MAP2K4: variants seen among roughly 807,000 people sequenced by gnomAD.
MAP2K4 encodes dual specificity mitogen-activated protein kinase kinase 4.
MAP2K4 carries 4 observed loss-of-function variants against 48.5 expected under a neutral mutation model. The ratio of observed to expected loss-of-function variants is 0.08; its 90% CI spans 0.04 to 0.19. The LOEUF is 0.19. Among genes scored for constraint, MAP2K4 ranks in the 10% least tolerant of loss-of-function variants. The pLI is 1.00. For synonymous variants in MAP2K4, 166 were observed against 173.1 expected (o/e 0.96, Z 0.32); for missense variants, 258 against 493.3 (o/e 0.52, Z 4.52).
In MAP2K4 at chr17:12,068,458, A is replaced by G. The variant is rs192216601; in HGVS notation, c.219-12898A>G. On this transcript the variant is annotated intron_variant, in intron 2 of 10. Transcript: ENST00000353533. ...GTAATAGTCACCTATCATGACTTCAATAGTATTAAATTGATGACAGTACAT... is the reference window on the plus strand; with the variant it reads ...GTAATAGTCACCTATCATGACTTCAGTAGTATTAAATTGATGACAGTACAT... Among the ~76,000 whole-genome samples, 307 of 152,306 alleles carry G rather than the reference A, an allele frequency of 2.0e-3. 2 individuals carry two copies. Among genetic ancestry groups the G allele is most frequent in the African/African-American group, 6.8e-3 (281 of 41,548 alleles).
chr17:12,106,604 A>G (rs1972121143), intron 4 of MAP2K4, among the ~76,000 whole-genome samples: 1 of 152,128 alleles, frequency 6.6e-6, no homozygotes, highest in African/African-American at 2.4e-5. Flanking sequence ...TATAATTATT[A>G]TATAATCGAA....
chr17:12,030,313 G>A (rs754599876), intron 1 of MAP2K4, among the ~76,000 whole-genome samples: 2 of 152,290 alleles, frequency 1.3e-5, no homozygotes, highest in South Asian at 4.1e-4. Context: ...GTGGACTCTG[G>A]GCGAGTTACC....
At chr17:12,026,466 G>A (rs897700806) in intron 1 of MAP2K4, among the ~76,000 whole-genome samples, 10 of 152,174 alleles carry the variant, frequency 6.6e-5, no homozygotes, top group African/African-American at 2.2e-4. Context: ...AAAAAAGAAA[G>A]GGAAAGTAAC....
intron 2 of MAP2K4, among the ~76,000 whole-genome samples, chr17:12,080,176 T>G (rs1971144610): frequency 6.6e-6 from 1 of 152,164 alleles, no homozygotes; most frequent in African/African-American, 2.4e-5. Context: ...ACCTTAAAGG[T>G]TGCTACAGAA....
chr17:12,083,558 G>A (rs1971261383), intron 3 of MAP2K4, among the ~76,000 whole-genome samples: 1 of 152,178 alleles, frequency 6.6e-6, no homozygotes, highest in Admixed American at 6.5e-5. Flanking sequence ...GGGAGAGGAT[G>A]GCAGTACAAC....
chr17:12,082,776 A>G (rs1002874622), intron 3 of MAP2K4, among the ~76,000 whole-genome samples: 2 of 152,226 alleles, frequency 1.3e-5, no homozygotes, highest in Non-Finnish European at 1.5e-5. Flanking sequence ...TAGACTTTTC[A>G]TAGGCAGGTG....
chr17:12,116,191 A>G (rs189949942), intron 7 of MAP2K4, among the ~76,000 whole-genome samples: 42 of 152,290 alleles, frequency 2.8e-4, no homozygotes, highest in Non-Finnish European at 5.9e-5. Flanking sequence ...CAAATACACT[A>G]ATTTTCCATA....
chr17:12,124,974 G>A (rs1032037382), intron 7 of MAP2K4: 9 of 298,222 alleles, frequency 3.0e-5, no homozygotes, highest in African/African-American at 4.3e-5. Flanking sequence ...TGCACCTGGC[G>A]ACCTTGTAAT....
intron 1 of MAP2K4, among the ~76,000 whole-genome samples, chr17:12,053,628 A>C (rs935597963): frequency 6.6e-6 from 1 of 151,556 alleles, no homozygotes; most frequent in South Asian, 2.1e-4. Flanking sequence ...CTTCCTCTAC[A>C]TTATGTGGAA....
chr17:12,054,106 T>TGA (rs1970219079), intron 1 of MAP2K4, among the ~76,000 whole-genome samples: 2 of 152,292 alleles, frequency 1.3e-5, no homozygotes, highest in East Asian at 3.9e-4. Flanking sequence ...CAAAGCATTT[T>TGA]CATGGTCTGA....
rs28442277 is a variant in MAP2K4 at position 12,070,622 on chromosome 17, G to A, written c.219-10734G>A. ...TATTTGCATGATAGATGCAATTTAG[G>A]TTGCTAGATACCATTTGGTATCATT... On this transcript the variant is annotated intron_variant, in intron 2 of 10. Coordinates refer to ENST00000353533, the MANE Select transcript of MAP2K4 (RefSeq NM_003010.4). Among the ~76,000 whole-genome samples, 283 of 152,260 alleles carry A rather than the reference G, an allele frequency of 1.9e-3. 2 individuals carry two copies. Among genetic ancestry groups the A allele is most frequent in the African/African-American group, 6.3e-3 (261 of 41,558 alleles).
intron 2 of MAP2K4, among the ~76,000 whole-genome samples, chr17:12,070,165 A>C (rs1219082083): frequency 6.6e-6 from 1 of 151,500 alleles, no homozygotes; most frequent in Non-Finnish European, 1.5e-5. Context: ...TTAAATAATA[A>C]AAGGTTCTTA....
intron 7 of MAP2K4, among the ~76,000 whole-genome samples, chr17:12,123,296 G>T (rs1042489215): frequency 6.6e-6 from 1 of 152,106 alleles, no homozygotes; most frequent in African/African-American, 2.4e-5. Flanking sequence ...ATAGTTTAAA[G>T]GTTATTCACA....
At chr17:12,039,307 T>C (rs1252156866) in intron 1 of MAP2K4, among the ~76,000 whole-genome samples, 1 of 152,228 alleles carries the variant, frequency 6.6e-6, no homozygotes, top group Non-Finnish European at 1.5e-5. Flanking sequence ...AACAAACTGA[T>C]GCTTTTAGCA....
At chr17:12,023,041 C>A (rs1365927222) in intron 1 of MAP2K4, among the ~76,000 whole-genome samples, 6 of 152,168 alleles carry the variant, frequency 3.9e-5, no homozygotes, top group Admixed American at 3.9e-4. Flanking sequence ...ACTAAACTTT[C>A]TAATAAGCAG....
intron 4 of MAP2K4, among the ~76,000 whole-genome samples, chr17:12,099,679 C>T (rs1319047186): frequency 6.6e-6 from 1 of 152,098 alleles, no homozygotes; most frequent in Non-Finnish European, 1.5e-5. Context: ...TCCTAAAAGT[C>T]ATTTTCAGGC....
At chr17:12,082,411 G>T (rs1217986443) in intron 3 of MAP2K4, among the ~76,000 whole-genome samples, 1 of 152,150 alleles carries the variant, frequency 6.6e-6, no homozygotes, top group Non-Finnish European at 1.5e-5. Flanking sequence ...ATTCCTATGG[G>T]AACAAAAATG....
chr17:12,047,387 C>T (rs979079001), intron 1 of MAP2K4, among the ~76,000 whole-genome samples: 2 of 152,050 alleles, frequency 1.3e-5, no homozygotes, highest in African/African-American at 4.8e-5. Context: ...TCACAGTGCC[C>T]CTATGGGGAA....
intron 7 of MAP2K4, among the ~76,000 whole-genome samples, chr17:12,114,243 G>C (rs1972404860): frequency 6.6e-6 from 1 of 152,274 alleles, no homozygotes; most frequent in South Asian, 2.1e-4. Flanking sequence ...AGAGTCACAG[G>C]CTAGATATTA....
Sources: allele counts gnomAD v4.1 joint callset (sites outside exome capture counted in the v4.1 genomes callset), GRCh38; gene constraint gnomAD v4.1.1; transcripts MANE v1.5; gene names NCBI Gene and HGNC (gene_info 2026-07-23, HGNC 2026-07-21).